WWP1: variants seen among roughly 807,000 people sequenced by gnomAD.
WWP1 encodes WW domain containing E3 ubiquitin protein ligase 1, also known as NEDD4-like E3 ubiquitin-protein ligase WWP1.
In WWP1, 49 loss-of-function variants were observed where a neutral mutation model predicts 130.6. The observed-to-expected ratio is 0.38, with a 90% CI of 0.30 to 0.48. The LOEUF is 0.48. Ranked by LOEUF, WWP1 falls within the 20% of genes least tolerant of loss-of-function variation. The probability of loss-of-function intolerance (pLI) is 0.99; values close to 1 mark genes in which losing one functional copy is unlikely to be tolerated. For missense variants in WWP1, 809 were observed against 1,100.6 expected, an observed-to-expected ratio of 0.74 and a Z score of 3.75; for synonymous variants, 332 against 367.8, an observed-to-expected ratio of 0.90 and a Z score of 1.11.
rs915804932 is a variant in WWP1, at chr8:86,461,388, A to C, written c.2596+68A>C. On this transcript the variant is annotated intron_variant, in intron 23 of 24. Coordinates refer to ENST00000517970, the MANE Select transcript of WWP1 (RefSeq NM_007013.4). ...GATAATAATGGCCTTTGGACATACA[A>C]TAGACTTGATTGAACCTAAAGATTA... The C allele has an allele frequency of 9.9e-6, 13 of 1,317,214 alleles. No homozygotes were observed. In the Middle Eastern group the frequency reaches 5.4e-4, roughly 55 times the overall value. The allele number at this position is 1,317,214 out of a possible 1,614,324, so 81.6% of individuals were successfully genotyped here. A position where few individuals can be genotyped will look rare whatever the true frequency, so the allele number is the denominator to read the frequency against.
intron 18 of WWP1, 53 bp downstream of exon 18, chr8:86,442,831 A>C: frequency 6.9e-7 from 1 of 1,444,668 alleles, no homozygotes; most frequent in Non-Finnish European, 9.1e-7. Context: ...AATGTATTAG[A>C]GAAGGCTTTT....
At chr8:86,440,549 T>G in intron 17 of WWP1, 1 of 354,808 alleles carries the variant, frequency 2.8e-6, no homozygotes, top group Non-Finnish European at 5.5e-6. Flanking sequence ...AACCTTATTT[T>G]TCCTCTGGGT....
chr8:86,412,272 TG>T (rs1182165283), intron 9 of WWP1, among the ~76,000 whole-genome samples: 1 of 152,188 alleles, frequency 6.6e-6, no homozygotes, highest in East Asian at 1.9e-4. Flanking sequence ...CAGCTAATAT[TG>T]AGTGCTGGGG....
chr8:86,457,861 C>A, intron 21 of WWP1, 60 bp from the exon 22 acceptor site: 1 of 1,502,712 alleles, frequency 6.7e-7, no homozygotes, highest in South Asian at 1.2e-5. Context: ...AAATTTCAGT[C>A]ATATAATTAT....
At chr8:86,431,140 G>T (rs1196145246) in intron 12 of WWP1, among the ~76,000 whole-genome samples, 52 of 119,516 alleles carry the variant, frequency 4.4e-4, no homozygotes, top group Non-Finnish European at 7.3e-4. Context: ...ATATATTAAA[G>T]AATTATATAT....
rs182115391 is a variant in WWP1 at position 86,363,750 on chromosome 8, C to T, written c.-114-5189C>T. ...GGCAGAGGTTGCAGTGAGCCGAGAT[C>T]GCACCACTGTACTCAGCCTGGGTGA... On this transcript the variant is annotated intron_variant, in intron 1 of 24. Coordinates refer to ENST00000517970, the MANE Select transcript of WWP1 (RefSeq NM_007013.4). 1.3e-3 allele frequency among the ~76,000 whole-genome samples: 184 copies of T among 146,930 alleles called. 2 individuals are homozygous for T. The highest frequency in any genetic ancestry group is 0.011 in the Middle Eastern group (3 of 284).
intron 6 of WWP1, 44 bp downstream of exon 6, chr8:86,398,523 T>C: frequency 1.2e-6 from 2 of 1,610,144 alleles, no homozygotes; most frequent in South Asian, 1.1e-5. Context: ...GGAAAAAGAA[T>C]AAGCAAGAAG....
At chr8:86,448,093 C>A (rs1003870270) in intron 18 of WWP1, 55 bp from the exon 19 acceptor site, 1 of 1,447,690 alleles carries the variant, frequency 6.9e-7, no homozygotes, top group African/African-American at 1.5e-5. Context: ...TCATTGTTCT[C>A]TAAGAAATTG....
At chr8:86,367,211 T>A (rs1824022656) in intron 1 of WWP1, among the ~76,000 whole-genome samples, 1 of 152,220 alleles carries the variant, frequency 6.6e-6, no homozygotes. Context: ...AGCCAGGACT[T>A]TGTCTTCTAC....
At chr8:86,383,284 C>A (rs1012513141) in intron 5 of WWP1, among the ~76,000 whole-genome samples, 3 of 151,830 alleles carry the variant, frequency 2.0e-5, no homozygotes, top group African/African-American at 7.3e-5. Flanking sequence ...ATTATTTAAC[C>A]ATATTCCCAT....
chr8:86,397,444 A>AT (rs201441962), intron 5 of WWP1, among the ~76,000 whole-genome samples: 8,733 of 151,952 alleles, frequency 0.057, 324 homozygotes, highest in Non-Finnish European at 0.086. Context: ...TCAAATACTT[A>AT]TTTTTTTTGT....
intron 5 of WWP1, among the ~76,000 whole-genome samples, chr8:86,389,957 A>T (rs1356765924): frequency 2.0e-5 from 3 of 151,464 alleles, no homozygotes; most frequent in Non-Finnish European, 4.4e-5. Flanking sequence ...TGCCAGGCGG[A>T]GGGGCTCCTC....
At chr8:86,448,574 C>T (rs923820751) in intron 20 of WWP1, 61 bp downstream of exon 20, 1 of 1,475,548 alleles carries the variant, frequency 6.8e-7, no homozygotes, top group Non-Finnish European at 9.1e-7. Flanking sequence ...AATCCTCTCT[C>T]TGTACCCTTA....
chr8:86,423,112 A>T (rs914281596), intron 9 of WWP1, among the ~76,000 whole-genome samples: 1 of 149,222 alleles, frequency 6.7e-6, no homozygotes, highest in African/African-American at 2.5e-5. Context: ...TTGAATACCT[A>T]AAATGTATTC....
rs1371065516 is a variant in WWP1 at position 86,427,708 on chromosome 8, C to T, written c.1223C>T (p.Thr408Met). Residue 408 changes from threonine to methionine, a missense_variant, in exon 11 of 25, where the codon ACG (threonine) becomes ATG (methionine). Physicochemically the swap from Thr to Met is moderately conservative, Grantham distance 81. Around this residue, in one of 3 missense-constraint regions of WWP1, gnomAD observed 450 missense variants for 674.2 expected, o/e 0.67. Coordinates refer to ENST00000517970, the MANE Select transcript of WWP1 (RefSeq NM_007013.4). Reference protein sequence around the residue: ...YYVDHNTRTTTWQRPTMESVR... With the variant: ...YYVDHNTRTTMWQRPTMESVR... ...GTGGATCATAACACCAGAACAACAACGTGGCAGCGGCCTACCATGGAATCT... is the reference window on the plus strand; with the variant it reads ...GTGGATCATAACACCAGAACAACAATGTGGCAGCGGCCTACCATGGAATCT... 1.1e-5 allele frequency: 17 copies of T among 1,613,884 alleles called. No homozygotes were observed. The highest frequency in any genetic ancestry group is 2.2e-5 in the East Asian group (1 of 44,858).
At chr8:86,439,448 G>A (rs1490338298) in intron 17 of WWP1, among the ~76,000 whole-genome samples, 1 of 151,964 alleles carries the variant, frequency 6.6e-6, no homozygotes, top group Non-Finnish European at 1.5e-5. Context: ...CCCAACCTTG[G>A]TCTCCCAAAG....
chr8:86,382,814 T>C (rs1405563969), intron 5 of WWP1, among the ~76,000 whole-genome samples: 1 of 152,250 alleles, frequency 6.6e-6, no homozygotes, highest in East Asian at 1.9e-4. Context: ...CTTGTAACAG[T>C]TCACTAAAAA....
At chr8:86,417,509 A>G (rs1808955377) in intron 9 of WWP1, among the ~76,000 whole-genome samples, 1 of 152,210 alleles carries the variant, frequency 6.6e-6, no homozygotes, top group African/African-American at 2.4e-5. Context: ...GACAAATTCT[A>G]TTTAGAACAA....
chr8:86,383,381 A>G (rs188576533), intron 5 of WWP1, among the ~76,000 whole-genome samples: 1 of 152,318 alleles, frequency 6.6e-6, no homozygotes, highest in Admixed American at 6.5e-5. Flanking sequence ...TATCTGCCAA[A>G]TGATCTTCTA....
Sources: gnomAD v4.1 joint callset for allele counts (sites outside exome capture counted in the v4.1 genomes callset) on GRCh38, gnomAD v4.1.1 for gene constraint, gnomAD v4.1.1 regional missense constraint, MANE v1.5 for transcripts, NCBI Gene and HGNC (gene_info 2026-07-23, HGNC 2026-07-21) for gene names.